The following GMIP variants were observed in gnomAD, a reference collection of about 807,000 sequenced individuals.
The protein encoded by GMIP is GEM interacting protein, also known as GEM-interacting protein.
GMIP carries 54 observed loss-of-function variants against 105.3 expected under a neutral mutation model. The observed-to-expected ratio is 0.51, with a 90% CI of 0.41 to 0.64. The LOEUF is 0.64. Among genes scored for constraint, GMIP ranks in the 30% least tolerant of loss-of-function variants. The pLI, the probability that GMIP is intolerant of heterozygous loss-of-function variation, is 0.00. For missense variants in GMIP, 1,110 were observed against 1,319.4 expected, an observed-to-expected ratio of 0.84 and a Z score of 2.46; for synonymous variants, 541 against 560.8, an observed-to-expected ratio of 0.96 and a Z score of 0.50.
rs576930168 is a variant in GMIP at position 19,642,611 on chromosome 19, G to C, written c.28C>G (p.Pro10Ala). The C allele has an allele frequency of 5.0e-6, 8 of 1,591,106 alleles. No individual in the cohort carries two copies. The East Asian group carries it at 1.3e-4, about 27-fold the overall frequency. Residue 10 changes from proline to alanine, a missense_variant, in exon 2 of 21, where the codon CCA (proline) becomes GCA (alanine). Pro to Ala is a conservative substitution (Grantham distance 27, BLOSUM62 -1). Coordinates refer to ENST00000203556, the MANE Select transcript of GMIP (RefSeq NM_016573.4). MDAAEPGLP[P>A]GPEGRKRYSD... Reference sequence around the variant, plus strand: ...TACCTCTTCCTGCCCTCAGGACCTGGGGGGAGTCCTAGGGGAGGGGAGTGT... The same window carrying C: ...TACCTCTTCCTGCCCTCAGGACCTGCGGGGAGTCCTAGGGGAGGGGAGTGT...
intron 2 of GMIP, among the ~76,000 whole-genome samples, chr19:19,642,288 C>T (rs866390812): frequency 2.0e-5 from 3 of 151,884 alleles, no homozygotes; most frequent in South Asian, 4.2e-4. Flanking sequence ...TTATAGGGAT[C>T]GCAAATATTT....
At position 19,630,260 on chromosome 19, in the gene GMIP, A is replaced by T. The variant is rs750586290; in HGVS notation, c.2616T>A (p.Tyr872Ter). The change falls in exon 21 of 21, where the codon TAT (tyrosine) becomes TAA (stop). Residue 872 changes from tyrosine to a stop codon, truncating the protein, a stop_gained. Coordinates refer to ENST00000203556, the MANE Select transcript of GMIP (RefSeq NM_016573.4). LOFTEE classifies it high-confidence loss of function. The surrounding 1 kb of genome is among the most constrained non-coding windows in gnomAD (Gnocchi z 4.8). ...TTACAGGCCTCACACCGCCCCGGGGATACTTCACTGGCTGGCGGCTGAAGT... is the reference window on the plus strand; with the variant it reads ...TTACAGGCCTCACACCGCCCCGGGGTTACTTCACTGGCTGGCGGCTGAAGT... ...RGHFSRQPVKYPRGGVRPVTH... is the reference protein window; with the variant it reads ...RGHFSRQPVK 6.4e-7 allele frequency: 1 copy of T among 1,562,132 alleles called. No homozygotes were observed. Among genetic ancestry groups the T allele is most frequent in the African/African-American group, 1.4e-5 (1 of 73,408 alleles).
chr19:19,643,554 AGGGACC>A lies in GMIP; in HGVS notation c.-31_-26del, dbSNP rs1189183910. The A allele has an allele frequency of 1.3e-6, 2 of 1,539,736 alleles. No homozygotes were observed. Among genetic ancestry groups the A allele is most frequent in the East Asian group, 5.0e-5 (2 of 39,908 alleles). On this transcript the variant is annotated 5_prime_UTR_variant, in exon 1 of 21. Coordinates refer to ENST00000203556, the MANE Select transcript of GMIP (RefSeq NM_016573.4). Reference sequence around the variant, plus strand: ...TATCTGGGCCCGGGGATCGCTCTGCAGGGACCGGGATGGGGATGGGGTCGCGCGCCG... The same window carrying A: ...TATCTGGGCCCGGGGATCGCTCTGCAGGGATGGGGATGGGGTCGCGCGCCG...
chr19:19,637,851 C>T lies in GMIP; in HGVS notation c.927+69G>A. 3.3e-6 allele frequency: 5 copies of T among 1,497,040 alleles called. No individual in the cohort carries two copies. The highest frequency in any genetic ancestry group is 4.5e-6 in the Non-Finnish European group (5 of 1,105,436). The allele number at this position is 1,497,040 out of a possible 1,614,324, so 92.7% of individuals were successfully genotyped here. A position where few individuals can be genotyped will look rare whatever the true frequency, so the allele number is the denominator to read the frequency against. The stretch of plus-strand genomic sequence containing the variant: ...TGGTGTCTCCAGGGTGGCTTAGGGG[C>T]GAGGAGTGGGGCACTCAGTCGGGGC... On this transcript the variant is annotated intron_variant, in intron 10 of 20. Transcript: ENST00000203556. This position sits in a 1 kb window ranked among gnomAD's most constrained non-coding sequence, Gnocchi z 6.7.
chr19:19,638,752 C>T (rs1390964101), intron 7 of GMIP, among the ~76,000 whole-genome samples: 2 of 151,296 alleles, frequency 1.3e-5, no homozygotes, highest in Admixed American at 1.3e-4. Flanking sequence ...TGCACTAGGC[C>T]TAGTTAATTT....
At position 19,635,247 on chromosome 19, in the gene GMIP, T is replaced by C. The variant is rs2061841317; in HGVS notation, c.1561-34A>G. On this transcript the variant is annotated intron_variant, in intron 15 of 20. Transcript: ENST00000203556. This position sits in a 1 kb window ranked among gnomAD's most constrained non-coding sequence, Gnocchi z 4.7. ...AAGGTCACAGGGACAGGGAGGTCAT[T>C]AGGGACCAGTAGGGGAAGAGAAGGT... 1.3e-6 allele frequency: 2 copies of C among 1,573,916 alleles called. No homozygotes were observed. Among genetic ancestry groups the C allele is most frequent in the East Asian group, 4.5e-5 (2 of 44,344 alleles).
At position 19,638,438 on chromosome 19, in the gene GMIP, C is replaced by T; in HGVS notation, c.582G>A (p.Glu194=). The T allele has an allele frequency of 6.2e-7, 1 of 1,614,218 alleles. No homozygotes were observed. The highest frequency in any genetic ancestry group is 1.6e-4 in the Middle Eastern group (1 of 6,062). ...GCTCCTTCATCCACTGCTCCTTGAACTCCTTCCGCCACTTCTCAATCTCAG... is the reference window on the plus strand; with the variant it reads ...GCTCCTTCATCCACTGCTCCTTGAATTCCTTCCGCCACTTCTCAATCTCAG... ...KRTEIEKWRK[E]FKEQWMKEQK... Residue 194 remains glutamate (E), a synonymous_variant, in exon 8 of 21, where the codon GAG becomes GAA. Transcript: ENST00000203556.
At chr19:19,636,138 A>C (rs1357377712) in intron 13 of GMIP, among the ~76,000 whole-genome samples, 1 of 150,774 alleles carries the variant, frequency 6.6e-6, no homozygotes, top group Non-Finnish European at 1.5e-5. Context: ...TGGGAGGCGG[A>C]GGTTGCAGTG....
At position 19,635,300 on chromosome 19, in the gene GMIP, C is replaced by A. The variant is rs969479120; in HGVS notation, c.1561-87G>T. The A allele has an allele frequency of 6.6e-7, 1 of 1,517,762 alleles. No homozygotes were observed. The highest frequency in any genetic ancestry group is 9.0e-7 in the Non-Finnish European group (1 of 1,106,270). 94.0% of individuals were successfully genotyped at this position (1,517,762 alleles called of 1,614,324 possible). On this transcript the variant is annotated intron_variant, in intron 15 of 20. Coordinates refer to ENST00000203556, the MANE Select transcript of GMIP (RefSeq NM_016573.4). This position sits in a 1 kb window ranked among gnomAD's most constrained non-coding sequence, Gnocchi z 4.7. ...CAAGGATCCTCAAGGAATGGGGGCT[C>A]ATGGGAGACATCAGGTTAGGGTGGG...
rs2144848826 is a variant in GMIP at position 19,635,286 on chromosome 19, A to C, written c.1561-73T>G. The C allele has an allele frequency of 6.5e-7, 1 of 1,533,886 alleles. No individual in the cohort carries two copies. The highest frequency in any genetic ancestry group is 8.9e-7 in the Non-Finnish European group (1 of 1,119,010). ...GGAAGAGAAGGTTACAAGGATCCTC[A>C]AGGAATGGGGGCTCATGGGAGACAT... On this transcript the variant is annotated intron_variant, in intron 15 of 20. Coordinates refer to ENST00000203556, the MANE Select transcript of GMIP (RefSeq NM_016573.4). This position sits in a 1 kb window ranked among gnomAD's most constrained non-coding sequence, Gnocchi z 4.7.
chr19:19,635,563 C>A lies in GMIP; in HGVS notation c.1412G>T (p.Gly471Val). The A allele has an allele frequency of 6.2e-7, 1 of 1,613,870 alleles. No homozygotes were observed. The highest frequency in any genetic ancestry group is 1.1e-5 in the South Asian group (1 of 91,076). Residue 471 changes from glycine (G) to valine (V), a missense_variant, in exon 15 of 21, where the codon GGA (glycine) becomes GTA (valine). By Grantham distance (109) the Gly-to-Val change is moderately radical (BLOSUM62 -3). This residue lies in a region of GMIP where 667 missense variants were observed against 773.2 expected (regional missense o/e 0.86). Transcript: ENST00000203556. The surrounding 1 kb of genome is among the most constrained non-coding windows in gnomAD (Gnocchi z 4.7). Reference sequence around the variant, plus strand: ...GCCCAGCCCATTCTCCAGCCCGTCTCCCAGGTCTGCAGGGAGACAGGGTCA... The same window carrying A: ...GCCCAGCCCATTCTCCAGCCCGTCTACCAGGTCTGCAGGGAGACAGGGTCA... ...DDFEERDPDL[G>V]DGLENGLGSP...
intron 7 of GMIP, among the ~76,000 whole-genome samples, chr19:19,639,335 C>A (rs935809055): frequency 6.6e-5 from 10 of 151,786 alleles, no homozygotes; most frequent in African/African-American, 2.4e-4. Flanking sequence ...CCCTCCTTGG[C>A]CCCCAGAAGT....
chr19:19,642,704 G>A, intron 1 of GMIP, 85 bp from the exon 2 acceptor site: 2 of 599,992 alleles, frequency 3.3e-6, no homozygotes, highest in South Asian at 2.0e-5. Context: ...GGAGGGGGTG[G>A]AAGAGAAAGG....
chr19:19,632,899 A>C (rs2061810726), intron 19 of GMIP, among the ~76,000 whole-genome samples: 1 of 151,916 alleles, frequency 6.6e-6, no homozygotes, highest in Non-Finnish European at 1.5e-5. Flanking sequence ...TGCCTGGAAC[A>C]CCCTTCACCT....
rs1489823209 is a variant in GMIP at position 19,630,719 on chromosome 19, G to A, written c.2473-182C>T. Among the ~76,000 whole-genome samples, 2 of 152,152 alleles carry A rather than the reference G, an allele frequency of 1.3e-5. No homozygotes were observed. Among genetic ancestry groups the A allele is most frequent in the African/African-American group, 4.8e-5 (2 of 41,422 alleles). On this transcript the variant is annotated intron_variant, in intron 19 of 20. Coordinates refer to ENST00000203556, the MANE Select transcript of GMIP (RefSeq NM_016573.4). The surrounding 1 kb of genome is among the most constrained non-coding windows in gnomAD (Gnocchi z 4.8). ...ACCCTGTAATGAATGAGGGAAAGGT[G>A]GTAGGAAGTGAGACCAAAGAGGAGT...
At position 19,630,268 on chromosome 19, in the gene GMIP, C is replaced by A; in HGVS notation, c.2608G>T (p.Val870Leu). Residue 870 changes from valine to leucine, a missense_variant, in exon 21 of 21, where the codon GTG (valine) becomes TTG (leucine). By Grantham distance (32) the Val-to-Leu change is conservative. Transcript: ENST00000203556. This position sits in a 1 kb window ranked among gnomAD's most constrained non-coding sequence, Gnocchi z 4.8. ...CTCACACCGCCCCGGGGATACTTCACTGGCTGGCGGCTGAAGTGGCCACGA... is the reference window on the plus strand; with the variant it reads ...CTCACACCGCCCCGGGGATACTTCAATGGCTGGCGGCTGAAGTGGCCACGA... ...QSRGHFSRQP[V>L]KYPRGGVRPV... is the part of the protein sequence containing the mutation. The A allele has an allele frequency of 6.4e-7, 1 of 1,554,870 alleles. No individual in the cohort carries two copies. Among genetic ancestry groups the A allele is most frequent in the South Asian group, 1.2e-5 (1 of 82,090 alleles).
chr19:19,631,520 A>G (rs1177817982), intron 19 of GMIP, among the ~76,000 whole-genome samples: 7 of 152,196 alleles, frequency 4.6e-5, no homozygotes, highest in Admixed American at 6.5e-5. Flanking sequence ...GCCGCTTCCC[A>G]GCTCTGGGCT....
chr19:19,633,791 G>T lies in GMIP; in HGVS notation c.2472+12C>A. ...GGCCCTCTCCATAGCTGTGGGCCCA[G>T]TGGGTTCTTACCTCGGTAGGTGTGG... On this transcript the variant is annotated intron_variant, in intron 19 of 20. Transcript: ENST00000203556. The T allele has an allele frequency of 6.9e-7, 1 of 1,443,380 alleles. No individual in the cohort carries two copies. The highest frequency in any genetic ancestry group is 9.1e-7 in the Non-Finnish European group (1 of 1,094,792). 89.4% of individuals were successfully genotyped at this position (1,443,380 alleles called of 1,614,324 possible).
Position 19,637,063 on chromosome 19 carries a change from A to G in GMIP, c.1125-34T>C. 1.4e-6 allele frequency: 2 copies of G among 1,437,370 alleles called. No homozygotes were observed. The highest frequency in any genetic ancestry group is 1.2e-5 in the South Asian group (1 of 81,532). The allele number at this position is 1,437,370 out of a possible 1,614,324, so 89.0% of individuals were successfully genotyped here. ...ACAGAAGTTTGAAGGTTTGAATCCC[A>G]GGAAACTGGCCTGGGGTGATGGCAC... On this transcript the variant is annotated intron_variant, in intron 11 of 20. Transcript: ENST00000203556. This position sits in a 1 kb window ranked among gnomAD's most constrained non-coding sequence, Gnocchi z 6.7.
Sources: gnomAD v4.1 joint callset for allele counts (sites outside exome capture counted in the v4.1 genomes callset) on GRCh38, gnomAD v4.1.1 for gene constraint, gnomAD v4.1.1 regional missense constraint, Gnocchi (gnomAD v3.1) non-coding constraint, MANE v1.5 for transcripts, NCBI Gene and HGNC (gene_info 2026-07-23, HGNC 2026-07-21) for gene names.